The following GINS4 variants were observed in gnomAD, a reference collection of about 807,000 sequenced individuals.
The protein encoded by GINS4 is GINS complex subunit 4.
A neutral mutation model predicts 31.1 loss-of-function variants in GINS4; 20 were observed. That is an observed-to-expected ratio of 0.64 (90% confidence interval 0.45 to 0.93). GINS4 has a LOEUF of 0.93. Among genes scored for constraint, GINS4 ranks in the 40% least tolerant of loss-of-function variants. GINS4 has a pLI of 0.00. For synonymous variants in GINS4, 85 were observed against 97.9 expected (o/e 0.87, Z 0.78); for missense variants, 245 against 273.9 (o/e 0.89, Z 0.75).
At chr8:41,539,629 CTT>C (rs762684473) in intron 4 of GINS4, 47 bp from the exon 5 acceptor site, 8 of 1,315,170 alleles carry the variant, frequency 6.1e-6, no homozygotes, top group Non-Finnish European at 8.8e-6. Context: ...ACATCCTTCT[CTT>C]TGACTTTTGC....
intron 3 of GINS4, 60 bp from the exon 4 acceptor site, chr8:41,537,120 T>G: frequency 7.5e-6 from 8 of 1,066,976 alleles, no homozygotes; most frequent in Non-Finnish European, 1.1e-5. Context: ...GTCCTCAACG[T>G]TGCCGGTGAT....
chr8:41,541,933 T>C (rs1382781000), intron 7 of GINS4, 34 bp downstream of exon 7: 1 of 1,610,920 alleles, frequency 6.2e-7, no homozygotes, highest in Non-Finnish European at 8.5e-7. Context: ...GTGGGCACAT[T>C]CCTCCCGATG....
Position 41,535,999 on chromosome 8 carries a change from T to C in GINS4, c.97-361T>C, listed in dbSNP as rs565632913. Among the ~76,000 whole-genome samples the C allele has an allele frequency of 3.7e-4, 57 of 152,200 alleles. 1 individual carries two copies. The East Asian group carries it at 0.011, about 29-fold the overall frequency. Reference sequence around the variant, plus strand: ...GGTGGGTTATTGCTTTCTCTCTAAATAGACATGGGGTGGCGCTGCCTGGGG... The same window carrying C: ...GGTGGGTTATTGCTTTCTCTCTAAACAGACATGGGGTGGCGCTGCCTGGGG... On this transcript the variant is annotated intron_variant, in intron 2 of 7. Coordinates refer to ENST00000276533, the MANE Select transcript of GINS4 (RefSeq NM_032336.3).
At chr8:41,529,532 G>A (rs1806619276) in intron 1 of GINS4, 136 bp downstream of exon 1, 1 of 152,278 alleles carries the variant, frequency 6.6e-6, no homozygotes, top group Non-Finnish European at 1.5e-5. Context: ...ACCTCCTTAG[G>A]CCTTTGGGAT....
intron 4 of GINS4, chr8:41,537,558 C>G (rs553833141): frequency 2.7e-6 from 1 of 371,540 alleles, no homozygotes; most frequent in Non-Finnish European, 5.0e-6. Flanking sequence ...CCTTGCGTTA[C>G]AGCATGGCAG....
intron 1 of GINS4, 176 bp downstream of exon 1, chr8:41,529,572 G>T (rs994961843): frequency 6.6e-6 from 1 of 152,284 alleles, no homozygotes; most frequent in African/African-American, 2.4e-5. Context: ...GCCGGCCCTT[G>T]TGGCTCTGGG....
Position 41,542,053 on chromosome 8 carries a change from C to T in GINS4, c.638C>T (p.Pro213Leu), listed in dbSNP as rs531039634. ...TTGATCCGATACAAAACCATTGCAC[C>T]TCTGGTTGCATCTGGAGCTGTCCAG... ...QHLIRYKTIA[P>L]LVASGAVQLI Residue 213 changes from proline (P) to leucine (L), a missense_variant, in exon 8 of 8, where the codon CCT becomes CTT. By Grantham distance (98) the Pro-to-Leu change is moderately conservative. Transcript: ENST00000276533. 364 of 1,614,104 alleles carry T rather than the reference C, an allele frequency of 2.3e-4. 3 individuals carry two copies. The South Asian group carries it at 3.8e-3, about 17-fold the overall frequency.
Position 41,536,437 on chromosome 8 carries a change from G to A in GINS4, c.174G>A (p.Leu58=), listed in dbSNP as rs1806742908. The change falls in exon 3 of 8, where the codon CTG becomes CTA. Residue 58 remains leucine (L), a synonymous_variant. Coordinates refer to ENST00000276533, the MANE Select transcript of GINS4 (RefSeq NM_032336.3). ...TTGTAGAATGTGTCATGGAACAGCT[G>A]GAGCACATGGTAAGAGTCGCTTGTC... ...PEIVECVMEQ[L]EHMEENLRRA... is the part of the protein sequence containing the mutation. The A allele has an allele frequency of 1.9e-6, 3 of 1,600,194 alleles. No homozygotes were observed. The highest frequency in any genetic ancestry group is 2.6e-6 in the Non-Finnish European group (3 of 1,167,306).
At position 41,542,195 on chromosome 8, in the gene GINS4, A is replaced by G; in HGVS notation, c.*108A>G. On this transcript the variant is annotated 3_prime_UTR_variant, in exon 8 of 8. Transcript: ENST00000276533. ...TCAGGAGTTCGAGACCAACCGACCA[A>G]CATGGTGAAACCCCATCTTTACTAA... 1.3e-6 allele frequency: 1 copy of G among 766,028 alleles called. No homozygotes were observed. The allele number at this position is 766,028 out of a possible 1,614,324, so 47.5% of individuals were successfully genotyped here.
chr8:41,542,684 C>G lies in GINS4; in HGVS notation c.*597C>G, dbSNP rs1806864918. 1 of 154,140 alleles carries G rather than the reference C, an allele frequency of 6.5e-6. No homozygotes were observed. The highest frequency in any genetic ancestry group is 6.4e-5 in the Admixed American group (1 of 15,650). 9.5% of individuals were successfully genotyped at this position (154,140 alleles called of 1,614,324 possible). A position where few individuals can be genotyped will look rare whatever the true frequency, so the allele number is the denominator to read the frequency against. ...ACTAGGCGTAAACAAGAATGAAGAC[C>G]TGGAACCGTAGAGAAAATACTAGAA... On this transcript the variant is annotated 3_prime_UTR_variant, in exon 8 of 8. Transcript: ENST00000276533.
chr8:41,538,916 C>T (rs571604639), intron 4 of GINS4, among the ~76,000 whole-genome samples: 10 of 151,566 alleles, frequency 6.6e-5, no homozygotes, highest in Admixed American at 2.0e-4. Flanking sequence ...AGGCTGATCT[C>T]GAACTCCTGA....
At chr8:41,532,773 C>T (rs1448699525) in intron 2 of GINS4, among the ~76,000 whole-genome samples, 1 of 142,140 alleles carries the variant, frequency 7.0e-6, no homozygotes, top group Admixed American at 7.6e-5. Context: ...GTGGAGATTG[C>T]AGAGAGCCGA....
intron 6 of GINS4, 47 bp from the exon 7 acceptor site, chr8:41,541,762 C>T (rs769176951): frequency 4.7e-6 from 7 of 1,502,252 alleles, no homozygotes; most frequent in Non-Finnish European, 6.5e-6. Flanking sequence ...ACTTTGTTGA[C>T]TTTGTTGGCC....
intron 6 of GINS4, 86 bp downstream of exon 6, chr8:41,540,090 T>G: frequency 1.1e-6 from 1 of 941,424 alleles, no homozygotes; most frequent in Non-Finnish European, 1.7e-6. Context: ...TTTACCCAAA[T>G]ACAAAAAAGT....
rs1806875231 is a variant in GINS4, at chr8:41,543,256, C to T, written c.*1169C>T. 2 of 152,176 alleles carry T rather than the reference C, an allele frequency of 1.3e-5. No homozygotes were observed. Among genetic ancestry groups the T allele is most frequent in the South Asian group, 4.1e-4 (2 of 4,826 alleles). 9.4% of individuals were successfully genotyped at this position (152,176 alleles called of 1,614,324 possible). A position where few individuals can be genotyped will look rare whatever the true frequency, so the allele number is the denominator to read the frequency against. On this transcript the variant is annotated 3_prime_UTR_variant, in exon 8 of 8. Transcript: ENST00000276533. ...ATTTCCATTCTGCAGCAGAAGGCAC[C>T]TCTGGACGGCTCCCGGCTTGTAGTT...
chr8:41,544,719 GCACATT>G lies in GINS4; in HGVS notation c.*2633_*2638del, dbSNP rs1181832039. On this transcript the variant is annotated 3_prime_UTR_variant, in exon 8 of 8. Coordinates refer to ENST00000276533, the MANE Select transcript of GINS4 (RefSeq NM_032336.3). ...CCTGTTTGGTCATTTTATTGATATT[GCACATT>G]TGTATATGAATAAATTTTTGCAAAT... is the stretch of plus-strand genomic sequence containing the variant. The G allele has an allele frequency of 6.6e-6, 1 of 150,946 alleles. No individual in the cohort carries two copies. Among genetic ancestry groups the G allele is most frequent in the African/African-American group, 2.4e-5 (1 of 40,854 alleles). 9.4% of individuals were successfully genotyped at this position (150,946 alleles called of 1,614,324 possible).
At position 41,542,126 on chromosome 8, in the gene GINS4, G is replaced by C; in HGVS notation, c.*39G>C. On this transcript the variant is annotated 3_prime_UTR_variant, in exon 8 of 8. Coordinates refer to ENST00000276533, the MANE Select transcript of GINS4 (RefSeq NM_032336.3). ...CAGCCAGGCATGGTGACTCAAGCCT[G>C]TAATCCCAGCACTTTGGGAGGCCGA... 1 of 1,514,754 alleles carries C rather than the reference G, an allele frequency of 6.6e-7. No homozygotes were observed. Among genetic ancestry groups the C allele is most frequent in the Non-Finnish European group, 9.2e-7 (1 of 1,090,332 alleles). The allele number at this position is 1,514,754 out of a possible 1,614,324, so 93.8% of individuals were successfully genotyped here.
Position 41,530,281 on chromosome 8 carries a change from A to T in GINS4, c.79A>T (p.Ile27Phe), listed in dbSNP as rs1324538275. 7 of 1,609,390 alleles carry T rather than the reference A, an allele frequency of 4.3e-6. 1 individual carries two copies. In the South Asian group the frequency reaches 7.7e-5, roughly 18 times the overall value. ...AGTGGTCCTAACTCCTGCAGAGCTC[A>T]TTGAAAGATTGGAGCAGGTAAGCAT... ...EEVVLTPAEL[I>F]ERLEQAWMNE... Residue 27 changes from isoleucine to phenylalanine, a missense_variant, in exon 2 of 8, where the codon ATT (isoleucine) becomes TTT (phenylalanine). Coordinates refer to ENST00000276533, the MANE Select transcript of GINS4 (RefSeq NM_032336.3).
intron 6 of GINS4, 92 bp downstream of exon 6, chr8:41,540,096 AAAGT>A: frequency 1.1e-6 from 1 of 917,790 alleles, no homozygotes. Context: ...CAAATACAAA[AAAGT>A]AAGTATGTAG....
Sources: gnomAD v4.1 joint callset for allele counts (sites outside exome capture counted in the v4.1 genomes callset) on GRCh38, gnomAD v4.1.1 for gene constraint, MANE v1.5 for transcripts, NCBI Gene and HGNC (gene_info 2026-07-23, HGNC 2026-07-21) for gene names.